Variants in OPCML observed in about 807,000 individuals in gnomAD.
OPCML encodes opioid-binding protein/cell adhesion molecule.
A neutral mutation model predicts 37.8 loss-of-function variants in OPCML; 13 were observed. The ratio of observed to expected loss-of-function variants is 0.34; its 90% CI spans 0.22 to 0.55. The LOEUF is 0.55. OPCML is among the 20% of genes least tolerant of loss of function. The probability of loss-of-function intolerance (pLI) is 0.91; values close to 1 mark genes in which losing one functional copy is unlikely to be tolerated. For synonymous variants in OPCML, 176 were observed against 168.8 expected (o/e 1.04, Z -0.33); for missense variants, 341 against 435.6 (o/e 0.78, Z 1.93).
intron 2 of OPCML, among the ~76,000 whole-genome samples, chr11:132,937,299 AT>A (rs1375942882): frequency 7.2e-5 from 11 of 152,206 alleles, no homozygotes; most frequent in African/African-American, 2.7e-4. Context: ...AGGAAAGGAA[AT>A]GAGAAAGACA....
At chr11:133,338,024 T>C (rs1943781809) in intron 1 of OPCML, among the ~76,000 whole-genome samples, 1 of 151,986 alleles carries the variant, frequency 6.6e-6, no homozygotes, top group African/African-American at 2.4e-5. Flanking sequence ...CAAGAAACCC[T>C]GTGGCTCACA....
chr11:133,333,783 C>T (rs1379347050), intron 1 of OPCML, among the ~76,000 whole-genome samples: 1 of 151,990 alleles, frequency 6.6e-6, no homozygotes, highest in Non-Finnish European at 1.5e-5. Context: ...GGAACTTAAA[C>T]AAATTTACAA....
intron 2 of OPCML, among the ~76,000 whole-genome samples, chr11:132,680,103 G>A (rs1427979108): frequency 6.6e-6 from 1 of 152,100 alleles, no homozygotes; most frequent in South Asian, 2.1e-4. Context: ...ATGTCACTGT[G>A]GCAAATTCAG....
rs567231183 is a variant in OPCML at position 133,110,545 on chromosome 11, G to T, written c.62-167535C>A. Among the ~76,000 whole-genome samples the T allele has an allele frequency of 3.9e-5, 6 of 152,278 alleles. No individual in the cohort carries two copies. The East Asian group carries it at 1.2e-3, about 29-fold the overall frequency. ...GTTAGTGAAAGAAGGATAGTGTTTT[G>T]AGAAGGGCCTTGATCTTAAAGTCAA... On this transcript the variant is annotated intron_variant, in intron 1 of 7. Coordinates refer to ENST00000524381, the MANE Select transcript of OPCML (RefSeq NM_001012393.5).
intron 1 of OPCML, among the ~76,000 whole-genome samples, chr11:132,982,148 AG>A (rs1946602126): frequency 6.6e-6 from 1 of 152,064 alleles, no homozygotes; most frequent in African/African-American, 2.4e-5. Context: ...TCTTGTTCCT[AG>A]TGCAAGCCCC....
chr11:133,028,577 G>C (rs945539209), intron 1 of OPCML, among the ~76,000 whole-genome samples: 5 of 151,712 alleles, frequency 3.3e-5, no homozygotes, highest in Non-Finnish European at 7.4e-5. Flanking sequence ...GAGAGAGAGA[G>C]AGAGAGATTC....
rs1445867637 is a variant in OPCML at position 132,416,982 on chromosome 11, G to A, written c.*3211C>T. On this transcript the variant is annotated 3_prime_UTR_variant, in exon 8 of 8. Transcript: ENST00000524381. ...TGCATATGAACTCTGTTTTGGGAAG[G>A]GGAAGGGTTTCAGAGTCCCTACATT... The A allele has an allele frequency of 6.6e-6, 1 of 152,530 alleles. No homozygotes were observed. The highest frequency in any genetic ancestry group is 1.5e-5 in the Non-Finnish European group (1 of 68,030). 9.4% of individuals were successfully genotyped at this position (152,530 alleles called of 1,614,324 possible).
chr11:133,528,014 C>G (rs896967312), intron 1 of OPCML, among the ~76,000 whole-genome samples: 1 of 152,216 alleles, frequency 6.6e-6, no homozygotes, highest in African/African-American at 2.4e-5. Flanking sequence ...CAAGTGCCAG[C>G]TGTCTAAAGA....
At chr11:132,974,575 A>G in intron 1 of OPCML, among the ~76,000 whole-genome samples, 1 of 152,198 alleles carries the variant, frequency 6.6e-6, no homozygotes, top group African/African-American at 2.4e-5. Context: ...TAGTTCAACC[A>G]TTGTGGAAGA....
chr11:132,858,942 A>G (rs1209609794), intron 2 of OPCML, among the ~76,000 whole-genome samples: 1 of 152,218 alleles, frequency 6.6e-6, no homozygotes, highest in Non-Finnish European at 1.5e-5. Context: ...CTTGGAAATC[A>G]GAAGAGTATT....
intron 1 of OPCML, among the ~76,000 whole-genome samples, chr11:133,309,907 G>A (rs1221189727): frequency 9.2e-5 from 14 of 152,202 alleles, no homozygotes; most frequent in Non-Finnish European, 2.1e-4. Context: ...GAAGGGCAAT[G>A]AGGACTTCAT....
At chr11:132,541,288 C>T (rs1417174378) in intron 3 of OPCML, among the ~76,000 whole-genome samples, 1 of 152,148 alleles carries the variant, frequency 6.6e-6, no homozygotes, top group Non-Finnish European at 1.5e-5. Context: ...ATGGCAGTCT[C>T]TTGTTACAAC....
intron 4 of OPCML, among the ~76,000 whole-genome samples, chr11:132,450,013 C>A (rs2096064635): frequency 6.6e-6 from 1 of 152,284 alleles, no homozygotes; most frequent in East Asian, 1.9e-4. Context: ...GAAACCTGCG[C>A]TGGCTCTGGT....
intron 1 of OPCML, among the ~76,000 whole-genome samples, chr11:133,307,650 G>C (rs1942959735): frequency 1.3e-5 from 2 of 152,148 alleles, no homozygotes; most frequent in South Asian, 2.1e-4. Context: ...TGGGGCAAGA[G>C]CAACAGCAGC....
intron 4 of OPCML, among the ~76,000 whole-genome samples, chr11:132,461,857 G>C (rs542199954): frequency 1.1e-3 from 161 of 152,192 alleles, no homozygotes; most frequent in African/African-American, 3.6e-3. Context: ...AAAATCATCA[G>C]ATCTCCTGAG....
At chr11:132,819,243 G>A (rs1480374332) in intron 2 of OPCML, among the ~76,000 whole-genome samples, 1 of 151,348 alleles carries the variant, frequency 6.6e-6, no homozygotes. Context: ...CTAGAAGCAA[G>A]GAAATATGAC....
intron 1 of OPCML, among the ~76,000 whole-genome samples, chr11:133,003,298 C>T (rs560466178): frequency 2.6e-5 from 4 of 152,312 alleles, no homozygotes; most frequent in Admixed American, 2.6e-4. Flanking sequence ...CTGCTCCTTC[C>T]TAAGGCTCCA....
chr11:133,073,211 G>A (rs965237751), intron 1 of OPCML, among the ~76,000 whole-genome samples: 1 of 152,294 alleles, frequency 6.6e-6, no homozygotes, highest in South Asian at 2.1e-4. Context: ...ACACCTGAGC[G>A]CTCCCAAGTT....
intron 4 of OPCML, among the ~76,000 whole-genome samples, chr11:132,492,211 G>A (rs537171435): frequency 1.3e-5 from 2 of 152,158 alleles, no homozygotes; most frequent in South Asian, 4.2e-4. Flanking sequence ...GGCCTTTACT[G>A]TGAGTGAAAA....
Sources: gnomAD v4.1 joint callset for allele counts (sites outside exome capture counted in the v4.1 genomes callset) on GRCh38, gnomAD v4.1.1 for gene constraint, MANE v1.5 for transcripts, NCBI Gene and HGNC (gene_info 2026-07-23, HGNC 2026-07-21) for gene names.